CDK15: variants seen among roughly 807,000 people sequenced by gnomAD.
CDK15 encodes cyclin dependent kinase 15.
A neutral mutation model predicts 60.3 loss-of-function variants in CDK15; 62 were observed. That is an observed-to-expected ratio of 1.03 (90% CI 0.84 to 1.27). The LOEUF (loss-of-function observed/expected upper bound fraction) is 1.27, where lower values mean the gene tolerates loss of function less well. CDK15 is among the 50% of genes most tolerant of loss of function. CDK15 has a pLI of 0.00. For missense variants in CDK15, 541 were observed against 527.8 expected, an observed-to-expected ratio of 1.03 and a Z score of -0.25; for synonymous variants, 194 against 195.7, an observed-to-expected ratio of 0.99 and a Z score of 0.07.
intron 9 of CDK15, among the ~76,000 whole-genome samples, chr2:201,853,969 G>A (rs1698024324): frequency 6.6e-6 from 1 of 152,016 alleles, no homozygotes; most frequent in Non-Finnish European, 1.5e-5. Context: ...AGACCATCCT[G>A]GCCAACACGG....
At chr2:201,863,815 GA>G (rs1413108838) in intron 10 of CDK15, among the ~76,000 whole-genome samples, 1 of 152,128 alleles carries the variant, frequency 6.6e-6, no homozygotes, top group Non-Finnish European at 1.5e-5. Flanking sequence ...AGAATCACTT[GA>G]ACCCAGGAGG....
At position 201,826,297 on chromosome 2, in the gene CDK15, A is replaced by G. The variant is rs539361716; in HGVS notation, c.606+2570A>G. Among the ~76,000 whole-genome samples, 639 of 152,164 alleles carry G rather than the reference A, an allele frequency of 4.2e-3. 3 individuals carry two copies. Among genetic ancestry groups the G allele is most frequent in the Middle Eastern group, 6.8e-3 (2 of 294 alleles). ...AACACGGTGAAACCCCGTCTCTACT[A>G]AAAATATAAAAAATTAGCCAGGCGT... On this transcript the variant is annotated intron_variant, in intron 6 of 13. Transcript: ENST00000652192.
chr2:201,871,328 G>T (rs905971519), intron 10 of CDK15, among the ~76,000 whole-genome samples: 3 of 151,806 alleles, frequency 2.0e-5, no homozygotes, highest in African/African-American at 7.3e-5. Context: ...CTCAGTTGTT[G>T]TTGTAGGGAC....
chr2:201,819,991 C>T (rs1487252773), intron 4 of CDK15, among the ~76,000 whole-genome samples: 2 of 152,056 alleles, frequency 1.3e-5, no homozygotes, highest in Non-Finnish European at 2.9e-5. Context: ...GCCATTTTAG[C>T]AAGTGAGAGC....
chr2:201,892,053 G>A lies in CDK15; in HGVS notation c.*33+1126G>A, dbSNP rs141570271. 4.9e-4 allele frequency among the ~76,000 whole-genome samples: 75 copies of A among 152,236 alleles called. 1 individual carries two copies. The highest frequency in any genetic ancestry group is 7.5e-4 in the Non-Finnish European group (51 of 68,012). ...AAGGCATATACACATTAAAGATATC[G>A]GCTTCCTGGCTCTTCTAAGATCATT... On this transcript the variant is annotated intron_variant, in intron 13 of 13. Transcript: ENST00000652192.
chr2:201,840,342 A>G (rs1322928993), intron 8 of CDK15, among the ~76,000 whole-genome samples: 1 of 152,100 alleles, frequency 6.6e-6, no homozygotes, highest in African/African-American at 2.4e-5. Flanking sequence ...TCTTCTTTAT[A>G]TTATTTTTGT....
intron 10 of CDK15, among the ~76,000 whole-genome samples, chr2:201,861,885 C>T (rs1333017125): frequency 2.0e-5 from 3 of 152,102 alleles, no homozygotes; most frequent in Non-Finnish European, 4.4e-5. Context: ...TGTGGAAGTT[C>T]AGCTGCTCAG....
rs1324180053 is a variant in CDK15, at chr2:201,835,994, A to T, written c.851+231A>T. Among the ~76,000 whole-genome samples the T allele has an allele frequency of 3.8e-3, 27 of 7,196 alleles. 1 individual carries two copies. The highest frequency in any genetic ancestry group is 4.5e-3 in the Admixed American group (1 of 224). The allele number at this position is 7,196 out of a possible 152,430, so 4.7% of individuals were successfully genotyped here. ...TATATTTATATATTTTTATATATTTATATATATTTATATTTTTATATTTTT... is the reference window on the plus strand; with the variant it reads ...TATATTTATATATTTTTATATATTTTTATATATTTATATTTTTATATTTTT... On this transcript the variant is annotated intron_variant, in intron 8 of 13. Coordinates refer to ENST00000652192, the MANE Select transcript of CDK15 (RefSeq NM_001366386.2).
chr2:201,882,679 G>A lies in CDK15; in HGVS notation c.1198+2512G>A, dbSNP rs1699324567. ...TGTGCTCGTGCACATGAGTGCACGA[G>A]CATGTGTGTGTGCTTGTGTATGTGT... is the stretch of plus-strand genomic sequence containing the variant. On this transcript the variant is annotated intron_variant, in intron 12 of 13. Transcript: ENST00000652192. The surrounding 1 kb of genome is among the most constrained non-coding windows in gnomAD (Gnocchi z 4.0). Among the ~76,000 whole-genome samples the A allele has an allele frequency of 7.2e-6, 1 of 138,770 alleles. No individual in the cohort carries two copies. Among genetic ancestry groups the A allele is most frequent in the Non-Finnish European group, 1.6e-5 (1 of 62,150 alleles). 91.0% of individuals were successfully genotyped at this position (138,770 alleles called of 152,430 possible). A position where few individuals can be genotyped will look rare whatever the true frequency, so the allele number is the denominator to read the frequency against.
In CDK15 at chr2:201,854,885, C is replaced by A. The variant is rs1416583433; in HGVS notation, c.957C>A (p.Val319=). The change falls in exon 10 of 14, where the codon GTC becomes GTA. Residue 319 remains valine, a synonymous_variant. Coordinates refer to ENST00000652192, the MANE Select transcript of CDK15 (RefSeq NM_001366386.2). The part of the protein sequence containing the change: ...QLEKIWEVLG[V]PTEDTWPGVS... ...TTGGCTTTATATAGGTGCTGGGAGT[C>A]CCTACAGAGGATACTTGGCCGGGAG... 1.2e-6 allele frequency: 2 copies of A among 1,613,894 alleles called. No individual in the cohort carries two copies. The highest frequency in any genetic ancestry group is 1.7e-6 in the Non-Finnish European group (2 of 1,179,942).
At chr2:201,832,521 A>C (rs1696802967) in intron 6 of CDK15, among the ~76,000 whole-genome samples, 2 of 152,194 alleles carry the variant, frequency 1.3e-5, no homozygotes, top group South Asian at 4.1e-4. Flanking sequence ...TGAATGGTAA[A>C]ATGAATAATG....
At chr2:201,816,431 A>C (rs2106160097) in intron 4 of CDK15, among the ~76,000 whole-genome samples, 1 of 143,152 alleles carries the variant, frequency 7.0e-6, no homozygotes, top group East Asian at 2.0e-4. Flanking sequence ...CTCCATCTGC[A>C]TCCATGTTGC....
intron 10 of CDK15, among the ~76,000 whole-genome samples, chr2:201,868,878 A>G (rs1237447749): frequency 6.6e-6 from 1 of 152,240 alleles, no homozygotes; most frequent in Non-Finnish European, 1.5e-5. Context: ...GTCAGGAAAC[A>G]ACAAATGCTG....
intron 12 of CDK15, among the ~76,000 whole-genome samples, chr2:201,885,265 A>C (rs1278769566): frequency 1.3e-5 from 2 of 152,054 alleles, no homozygotes; most frequent in Non-Finnish European, 2.9e-5. Context: ...TTTCAAACCT[A>C]TTCTGTTTAT....
At chr2:201,846,029 A>G (rs1187474172) in intron 8 of CDK15, among the ~76,000 whole-genome samples, 1 of 152,098 alleles carries the variant, frequency 6.6e-6, no homozygotes, top group East Asian at 1.9e-4. Flanking sequence ...TTGACCATGT[A>G]TGAAAGAAAA....
At position 201,807,074 on chromosome 2, in the gene CDK15, G is replaced by A. The variant is rs542845066; in HGVS notation, c.123+287G>A. On this transcript the variant is annotated intron_variant, in intron 1 of 13. Coordinates refer to ENST00000652192, the MANE Select transcript of CDK15 (RefSeq NM_001366386.2). ...CTCTAAGGTCCTAAATTACAGAGCT[G>A]AAACTTAAAAGGCAAGCTGCAGTAT... is the stretch of plus-strand genomic sequence containing the variant. Among the ~76,000 whole-genome samples, 27 of 152,200 alleles carry A rather than the reference G, an allele frequency of 1.8e-4. No individual in the cohort carries two copies. The South Asian group carries it at 3.7e-3, about 21-fold the overall frequency.
chr2:201,819,523 G>A (rs1433806889), intron 4 of CDK15, among the ~76,000 whole-genome samples: 1 of 152,168 alleles, frequency 6.6e-6, no homozygotes, highest in Non-Finnish European at 1.5e-5. Context: ...GGAACCAGGA[G>A]GCACATGCCC....
At position 201,893,576 on chromosome 2, in the gene CDK15, T is replaced by G. The variant is rs1699700312; in HGVS notation, c.*309T>G. The G allele has an allele frequency of 6.6e-6, 1 of 152,198 alleles. No individual in the cohort carries two copies. Among genetic ancestry groups the G allele is most frequent in the African/African-American group, 2.4e-5 (1 of 41,456 alleles). 9.4% of individuals were successfully genotyped at this position (152,198 alleles called of 1,614,324 possible). On this transcript the variant is annotated 3_prime_UTR_variant, in exon 14 of 14. Coordinates refer to ENST00000652192, the MANE Select transcript of CDK15 (RefSeq NM_001366386.2). ...CTGAATAACTTCATTCATTTTGGCA[T>G]TTGTTAAGAGATTCCTGGGCTAGAA...
intron 6 of CDK15, among the ~76,000 whole-genome samples, chr2:201,827,345 C>T (rs933825789): frequency 7.9e-5 from 12 of 152,206 alleles, no homozygotes; most frequent in Admixed American, 5.2e-4. Flanking sequence ...ACCTGGGAGG[C>T]TAGGTGGGTG....
Sources: allele counts gnomAD v4.1 joint callset (sites outside exome capture counted in the v4.1 genomes callset), GRCh38; gene constraint gnomAD v4.1.1; non-coding constraint Gnocchi (gnomAD v3.1); transcripts MANE v1.5; gene names NCBI Gene and HGNC (gene_info 2026-07-23, HGNC 2026-07-21).